The following LIPE variants were observed in gnomAD, a reference collection of about 807,000 sequenced individuals.
LIPE encodes hormone-sensitive lipase.
LIPE carries 66 observed loss-of-function variants against 88.5 expected under a neutral mutation model. The observed-to-expected ratio is 0.75, with a 90% CI of 0.61 to 0.91. LIPE has a LOEUF of 0.91. Ranked by LOEUF, LIPE falls within the 40% of genes least tolerant of loss-of-function variation. LIPE has a pLI of 0.00. For missense variants in LIPE, 1,346 were observed against 1,434.7 expected (o/e 0.94, Z 1.00); for synonymous variants, 570 against 617.5 (o/e 0.92, Z 1.14).
intron 1 of LIPE, chr19:42,423,371 G>A (rs1317746089): frequency 1.0e-5 from 13 of 1,264,938 alleles, no homozygotes; most frequent in Non-Finnish European, 1.2e-5. Flanking sequence ...CTGCCCCGTA[G>A]GATGTACGAG....
In LIPE at chr19:42,402,616, C is replaced by T; in HGVS notation, c.2958G>A (p.Val986=). The T allele has an allele frequency of 6.7e-7, 1 of 1,492,952 alleles. No homozygotes were observed. Among genetic ancestry groups the T allele is most frequent in the Non-Finnish European group, 8.9e-7 (1 of 1,119,460 alleles). 92.5% of individuals were successfully genotyped at this position (1,492,952 alleles called of 1,614,324 possible). The change falls in exon 9 of 10, where the codon GTG becomes GTA. Residue 986 remains valine, a synonymous_variant. Transcript: ENST00000244289. The part of the protein sequence containing the change: ...PDSMLKSLPP[V]HIVACALDPM... ...CCCCTCTGTCGCTCACCACGATGTG[C>T]ACAGGTGGCAGGCTCTTGAGCATGC...
In LIPE at chr19:42,426,608, G is replaced by C; in HGVS notation, c.542C>G (p.Pro181Arg). The change falls in exon 1 of 10, where the codon CCT (proline) becomes CGT (arginine). Residue 181 changes from proline to arginine, a missense_variant. Physicochemically the swap from Pro to Arg is moderately radical, Grantham distance 103. Coordinates refer to ENST00000244289, the MANE Select transcript of LIPE (RefSeq NM_005357.4). ...CGTTGTTTGCTTGTCTGACTGTTCA[G>C]GTGTCTCTTGGGACGTAGATTCAGT... ...APTESTSQET[P>R]EQSDKQTTPV... 6.2e-7 allele frequency: 1 copy of C among 1,614,194 alleles called. No homozygotes were observed.
Position 42,405,244 on chromosome 19 carries a change from A to G in LIPE, c.2542+141T>C, listed in dbSNP as rs934591070. 3 of 772,720 alleles carry G rather than the reference A, an allele frequency of 3.9e-6. No homozygotes were observed. In the East Asian group the frequency reaches 8.2e-5, roughly 21 times the overall value. The allele number at this position is 772,720 out of a possible 1,614,324, so 47.9% of individuals were successfully genotyped here. A position where few individuals can be genotyped will look rare whatever the true frequency, so the allele number is the denominator to read the frequency against. ...GATCTTGAACCCCTGACCTCAAGTG[A>G]TCTGCCCACCTCAGCCTCCCAAAGT... On this transcript the variant is annotated intron_variant, in intron 8 of 9. Transcript: ENST00000244289.
chr19:42,424,531 C>T (rs1223135293), intron 1 of LIPE: 2 of 456,358 alleles, frequency 4.4e-6, no homozygotes, highest in Admixed American at 4.7e-5. Context: ...CAATCCCTGC[C>T]TTTGCCTGCC....
chr19:42,426,231 C>T (rs1236540468), intron 1 of LIPE, 36 bp downstream of exon 1: 1 of 1,569,420 alleles, frequency 6.4e-7, no homozygotes, highest in Non-Finnish European at 8.7e-7. Flanking sequence ...AATGACTGTC[C>T]CTGAGAGGCT....
chr19:42,412,836 A>ACAGCC (rs1409538418), intron 1 of LIPE, among the ~76,000 whole-genome samples: 1 of 152,172 alleles, frequency 6.6e-6, no homozygotes, highest in Non-Finnish European at 1.5e-5. Flanking sequence ...TGGCCCTGGC[A>ACAGCC]CAGCCAGCCC....
rs536469753 is a variant in LIPE at position 42,411,395 on chromosome 19, C to A, written c.884-553G>T. The A allele has an allele frequency of 1.2e-5, 11 of 932,680 alleles. No homozygotes were observed. The African/African-American group carries it at 2.0e-4, about 17-fold the overall frequency. The allele number at this position is 932,680 out of a possible 1,614,324, so 57.8% of individuals were successfully genotyped here. On this transcript the variant is annotated intron_variant, in intron 1 of 9. Coordinates refer to ENST00000244289, the MANE Select transcript of LIPE (RefSeq NM_005357.4). ...TCTCCTAGATTCCAAGAAGTCTAAA[C>A]CTCCAGTTGGTCCCCATTCTCAGGA...
chr19:42,406,227 G>C lies in LIPE; in HGVS notation c.2299C>G (p.Leu767Val), dbSNP rs2147593381. 6.2e-7 allele frequency: 1 copy of C among 1,613,934 alleles called. No homozygotes were observed. Among genetic ancestry groups the C allele is most frequent in the Middle Eastern group, 1.7e-4 (1 of 6,040 alleles). ...AGCAAGGGGTCCATGAGGCTCAGCA[G>C]GCGGGAGGGAGAGGCGGCAGGCTGC... Reference protein sequence around the residue: ...MLQPAASPSRLLSLMDPLLPL... With the variant: ...MLQPAASPSRVLSLMDPLLPL... The change falls in exon 7 of 10, where the codon CTG becomes GTG. Residue 767 changes from leucine (L) to valine (V), a missense_variant. Physicochemically the swap from Leu to Val is conservative, Grantham distance 32. Transcript: ENST00000244289. This position sits in a 1 kb window ranked among gnomAD's most constrained non-coding sequence, Gnocchi z 5.7.
In LIPE at chr19:42,408,442, T is replaced by G; in HGVS notation, c.1420-120A>C. ...ATTCAGTAAACGTTTCATGAGCTCCTACTGTGTGCTGGGCATAGCTCTCGG... is the reference window on the plus strand; with the variant it reads ...ATTCAGTAAACGTTTCATGAGCTCCGACTGTGTGCTGGGCATAGCTCTCGG... On this transcript the variant is annotated intron_variant, in intron 2 of 9. Transcript: ENST00000244289. This position sits in a 1 kb window ranked among gnomAD's most constrained non-coding sequence, Gnocchi z 4.3. 8 of 782,690 alleles carry G rather than the reference T, an allele frequency of 1.0e-5. No homozygotes were observed. Among genetic ancestry groups the G allele is most frequent in the Non-Finnish European group, 1.5e-5 (7 of 452,428 alleles). The allele number at this position is 782,690 out of a possible 1,614,324, so 48.5% of individuals were successfully genotyped here.
chr19:42,418,456 C>G (rs1241091524), intron 1 of LIPE, among the ~76,000 whole-genome samples: 1 of 152,190 alleles, frequency 6.6e-6, no homozygotes, highest in African/African-American at 2.4e-5. Context: ...GCAGCCACCA[C>G]CACTGGGGCA....
At position 42,401,581 on chromosome 19, in the gene LIPE, G is replaced by C. The variant is rs529196566; in HGVS notation, c.*231C>G. On this transcript the variant is annotated 3_prime_UTR_variant, in exon 10 of 10. Coordinates refer to ENST00000244289, the MANE Select transcript of LIPE (RefSeq NM_005357.4). ...AGGGAGGGCCAGTCCCCGTCCCTGCGGCGGTCGCCGCAGCAGCAGCAGCAA... is the reference window on the plus strand; with the variant it reads ...AGGGAGGGCCAGTCCCCGTCCCTGCCGCGGTCGCCGCAGCAGCAGCAGCAA... 50 of 499,344 alleles carry C rather than the reference G, an allele frequency of 1.0e-4. 1 individual carries two copies. In the South Asian group the frequency reaches 1.5e-3, roughly 15 times the overall value. The allele number at this position is 499,344 out of a possible 1,614,324, so 30.9% of individuals were successfully genotyped here.
In LIPE at chr19:42,427,114, G is replaced by T. The variant is rs759836723; in HGVS notation, c.36C>A (p.Asp12Glu). ...GCCTCTGGTGTGGTTCAGGTTGCCA[G>T]TCTGACCTAGACACTGACTTAGAAC... ...EPGSKSVSRS[D>E]WQPEPHQRPI... is the part of the protein sequence containing the mutation. The change falls in exon 1 of 10, where the codon GAC becomes GAA. Residue 12 changes from aspartate to glutamate, a missense_variant. Physicochemically the swap from Asp to Glu is conservative, Grantham distance 45. Coordinates refer to ENST00000244289, the MANE Select transcript of LIPE (RefSeq NM_005357.4). 6.2e-7 allele frequency: 1 copy of T among 1,610,958 alleles called. No individual in the cohort carries two copies. Among genetic ancestry groups the T allele is most frequent in the Non-Finnish European group, 8.5e-7 (1 of 1,179,152 alleles).
intron 1 of LIPE, chr19:42,412,314 C>G: frequency 1.0e-6 from 1 of 985,764 alleles, no homozygotes. Context: ...CCTTCTAGGT[C>G]CTGGGGCCTG....
At chr19:42,412,027 G>A (rs2040389218) in intron 1 of LIPE, among the ~76,000 whole-genome samples, 1 of 152,192 alleles carries the variant, frequency 6.6e-6, no homozygotes, top group Non-Finnish European at 1.5e-5. Context: ...AGCTCTCTGG[G>A]TCCACAGCCA....
rs1338293260 is a variant in LIPE, at chr19:42,408,078, G to A, written c.1554C>T (p.Ile518=). 6 of 1,613,870 alleles carry A rather than the reference G, an allele frequency of 3.7e-6. No homozygotes were observed. Among genetic ancestry groups the A allele is most frequent in the Non-Finnish European group, 5.1e-6 (6 of 1,179,910 alleles). The change falls in exon 4 of 10, where the codon ATC becomes ATT. Residue 518 remains isoleucine (I), a synonymous_variant. Transcript: ENST00000244289. This position sits in a 1 kb window ranked among gnomAD's most constrained non-coding sequence, Gnocchi z 4.3. ...ACTCAGCCCCACGCAGCTCGGGGTC[G>A]ATGGCAAAGCGGCCGCTGGTGAAGA... ...SSLFTSGRFA[I]DPELRGAEFE... is the part of the protein sequence containing the mutation.
intron 1 of LIPE, chr19:42,424,300 T>A (rs34010998): frequency 4.3e-5 from 20 of 463,260 alleles, no homozygotes; most frequent in African/African-American, 4.0e-4. Context: ...GACGCATGCT[T>A]GAGAAATGGC....
At position 42,407,518 on chromosome 19, in the gene LIPE, G is replaced by A; in HGVS notation, c.1843-50C>T. The A allele has an allele frequency of 6.3e-7, 1 of 1,585,256 alleles. No homozygotes were observed. Among genetic ancestry groups the A allele is most frequent in the South Asian group, 1.2e-5 (1 of 86,826 alleles). On this transcript the variant is annotated intron_variant, in intron 5 of 9. Transcript: ENST00000244289. This position sits in a 1 kb window ranked among gnomAD's most constrained non-coding sequence, Gnocchi z 5.8. ...TGTGAGGTTGGGGAGAGCTGGCCAGGGCTGCACCCCTCCATGGGGATGCCA... is the reference window on the plus strand; with the variant it reads ...TGTGAGGTTGGGGAGAGCTGGCCAGAGCTGCACCCCTCCATGGGGATGCCA...
At chr19:42,425,858 A>G (rs998028346) in intron 1 of LIPE, among the ~76,000 whole-genome samples, 3 of 152,230 alleles carry the variant, frequency 2.0e-5, no homozygotes, top group African/African-American at 7.2e-5. Context: ...GCTGGAGTGC[A>G]GTGGCACGAT....
intron 1 of LIPE, among the ~76,000 whole-genome samples, chr19:42,417,962 A>C (rs2040522356): frequency 6.6e-6 from 1 of 152,086 alleles, no homozygotes; most frequent in Non-Finnish European, 1.5e-5. Flanking sequence ...GAGCACCAGC[A>C]GGCTTTGACA....
Sources: gnomAD v4.1 joint callset for allele counts (sites outside exome capture counted in the v4.1 genomes callset) on GRCh38, gnomAD v4.1.1 for gene constraint, Gnocchi (gnomAD v3.1) non-coding constraint, MANE v1.5 for transcripts, NCBI Gene and HGNC (gene_info 2026-07-23, HGNC 2026-07-21) for gene names.